Variants in CNTN4 observed in about 807,000 individuals in gnomAD.
The protein encoded by CNTN4 is contactin 4, also known as contactin-4.
A neutral mutation model predicts 122.5 loss-of-function variants in CNTN4; 77 were observed. The ratio of observed to expected loss-of-function variants is 0.63; its 90% CI spans 0.52 to 0.76. The LOEUF is 0.76. Among genes scored for constraint, CNTN4 ranks in the 30% least tolerant of loss-of-function variants. CNTN4 has a pLI of 0.00. For synonymous variants in CNTN4, 512 were observed against 447.0 expected, an observed-to-expected ratio of 1.15 and a Z score of -1.83; for missense variants, 1,256 against 1,259.1, an observed-to-expected ratio of 1.00 and a Z score of 0.04.
At chr3:2,904,386 T>TA (rs1162768471) in intron 12 of CNTN4, among the ~76,000 whole-genome samples, 1 of 152,228 alleles carries the variant, frequency 6.6e-6, no homozygotes, top group African/African-American at 2.4e-5. Context: ...CTGTGCAATG[T>TA]AAAAAAATAA....
At chr3:2,771,384 G>A (rs1188862853) in intron 6 of CNTN4, among the ~76,000 whole-genome samples, 1 of 152,188 alleles carries the variant, frequency 6.6e-6, no homozygotes, top group Non-Finnish European at 1.5e-5. Flanking sequence ...CATCTCTAAT[G>A]CAGTGTTGGA....
At chr3:2,995,141 A>ACAT (rs1446542675) in intron 14 of CNTN4, among the ~76,000 whole-genome samples, 4 of 152,102 alleles carry the variant, frequency 2.6e-5, no homozygotes, top group Admixed American at 6.6e-5. Context: ...TCAATACTAG[A>ACAT]TCCTGTTAGA....
chr3:2,921,909 T>C (rs2094433038), intron 12 of CNTN4, among the ~76,000 whole-genome samples: 2 of 152,158 alleles, frequency 1.3e-5, no homozygotes, highest in Non-Finnish European at 2.9e-5. Flanking sequence ...AAACAAATAG[T>C]TGTGAATTAC....
intron 3 of CNTN4, among the ~76,000 whole-genome samples, chr3:2,569,173 A>G (rs2079311212): frequency 6.6e-6 from 1 of 152,194 alleles, no homozygotes. Context: ...TTCACAATAT[A>G]TTAAGTCCAG....
At chr3:2,763,223 G>A (rs981898509) in intron 6 of CNTN4, among the ~76,000 whole-genome samples, 3 of 152,156 alleles carry the variant, frequency 2.0e-5, no homozygotes, top group South Asian at 2.1e-4. Context: ...GGGATTACAG[G>A]CGTAAGCCAC....
At chr3:2,327,183 G>A (rs2043500380) in intron 2 of CNTN4, among the ~76,000 whole-genome samples, 2 of 150,984 alleles carry the variant, frequency 1.3e-5, no homozygotes, top group Admixed American at 1.3e-4. Context: ...AAAGTGCCAA[G>A]CTTATTTTCC....
At chr3:2,918,958 T>G (rs1208373781) in intron 12 of CNTN4, among the ~76,000 whole-genome samples, 1 of 152,200 alleles carries the variant, frequency 6.6e-6, no homozygotes, top group Non-Finnish European at 1.5e-5. Flanking sequence ...CATACATTCA[T>G]TCATCAAATA....
intron 3 of CNTN4, among the ~76,000 whole-genome samples, chr3:2,500,176 T>C (rs2076558795): frequency 1.3e-5 from 2 of 152,108 alleles, no homozygotes; most frequent in Non-Finnish European, 2.9e-5. Flanking sequence ...TTATATTAAT[T>C]AGTATTTTTA....
At chr3:2,800,950 T>G (rs757418056) in intron 6 of CNTN4, among the ~76,000 whole-genome samples, 1 of 152,218 alleles carries the variant, frequency 6.6e-6, no homozygotes, top group South Asian at 2.1e-4. Flanking sequence ...AGAGTCCATT[T>G]TTAAAAATTA....
chr3:2,503,306 A>G (rs1329388773), intron 3 of CNTN4, among the ~76,000 whole-genome samples: 2 of 152,182 alleles, frequency 1.3e-5, no homozygotes, highest in African/African-American at 4.8e-5. Flanking sequence ...AAGCAGGCAT[A>G]GTAAGATATT....
chr3:2,652,567 G>A (rs2150207675), intron 4 of CNTN4, among the ~76,000 whole-genome samples: 1 of 152,266 alleles, frequency 6.6e-6, no homozygotes, highest in South Asian at 2.1e-4. Context: ...AGGGAGAGAA[G>A]AGAGAAAAGA....
chr3:2,167,266 T>TC (rs2036236912), intron 2 of CNTN4, among the ~76,000 whole-genome samples: 1 of 152,104 alleles, frequency 6.6e-6, no homozygotes, highest in Non-Finnish European at 1.5e-5. Context: ...GGACATATGG[T>TC]TCAAAAATGA....
intron 3 of CNTN4, among the ~76,000 whole-genome samples, chr3:2,368,898 A>T (rs58529380): frequency 1.3e-5 from 2 of 151,990 alleles, no homozygotes; most frequent in African/African-American, 2.4e-5. Context: ...TCATCCTAAG[A>T]CTAAAGCACA....
In CNTN4 at chr3:2,124,474, C is replaced by CACACACA. The variant is rs1559265723; in HGVS notation, c.-145+23835_-145+23836insACACACA. On this transcript the variant is annotated intron_variant, in intron 2 of 24. Coordinates refer to ENST00000418658, the MANE Select transcript of CNTN4 (RefSeq NM_175607.3). ...CACACACACACACACACACACACAC[C>CACACACA]CCCTTAAGCAAGGTATGCTGGCTCA... is the stretch of plus-strand genomic sequence containing the variant. Among the ~76,000 whole-genome samples the CACACACA allele has an allele frequency of 5.2e-3, 562 of 107,638 alleles. 6 individuals are homozygous for CACACACA. Among genetic ancestry groups the CACACACA allele is most frequent in the East Asian group, 0.022 (70 of 3,146 alleles). 70.6% of individuals were successfully genotyped at this position (107,638 alleles called of 152,430 possible). A position where few individuals can be genotyped will look rare whatever the true frequency, so the allele number is the denominator to read the frequency against.
chr3:2,533,870 G>A (rs2077695376), intron 3 of CNTN4, among the ~76,000 whole-genome samples: 2 of 151,976 alleles, frequency 1.3e-5, no homozygotes, highest in South Asian at 4.1e-4. Context: ...GTGATGATGA[G>A]CATTTTTTCA....
intron 4 of CNTN4, among the ~76,000 whole-genome samples, chr3:2,645,908 G>C (rs1041756232): frequency 2.6e-5 from 4 of 152,142 alleles, no homozygotes; most frequent in African/African-American, 9.7e-5. Flanking sequence ...AATGAAATCT[G>C]TTCCCAAATA....
chr3:2,951,714 G>A lies in CNTN4; in HGVS notation c.1358+25935G>A, dbSNP rs543659175. Among the ~76,000 whole-genome samples the A allele has an allele frequency of 4.6e-5, 7 of 152,270 alleles. No homozygotes were observed. In the East Asian group the frequency reaches 1.2e-3, roughly 25 times the overall value. On this transcript the variant is annotated intron_variant, in intron 13 of 24. Coordinates refer to ENST00000418658, the MANE Select transcript of CNTN4 (RefSeq NM_175607.3). ...TGTGTATATCAGAAAAACAAAGGTG[G>A]CTCATCTCTCCACAGTAGTTTCACT...
chr3:2,389,292 C>T (rs891145095), intron 3 of CNTN4, among the ~76,000 whole-genome samples: 1 of 106,600 alleles, frequency 9.4e-6, no homozygotes, highest in Non-Finnish European at 2.2e-5. Flanking sequence ...ATGTTGTTCT[C>T]GGAGAAACCT....
Position 2,407,720 on chromosome 3 carries a change from C to T in CNTN4, c.-89+68487C>T, listed in dbSNP as rs577893123. ...TTGATTCCCAAATGCGTCAAAATGT[C>T]GTATCTGTGGTCTGATGGACAACAA... On this transcript the variant is annotated intron_variant, in intron 3 of 24. Transcript: ENST00000418658. Among the ~76,000 whole-genome samples the T allele has an allele frequency of 2.0e-5, 3 of 152,216 alleles. No homozygotes were observed. In the East Asian group the frequency reaches 5.8e-4, roughly 29 times the overall value.
Sources: gnomAD v4.1 joint callset for allele counts (sites outside exome capture counted in the v4.1 genomes callset) on GRCh38, gnomAD v4.1.1 for gene constraint, MANE v1.5 for transcripts, NCBI Gene and HGNC (gene_info 2026-07-23, HGNC 2026-07-21) for gene names.